Variants in SRFBP1 observed in about 807,000 individuals in gnomAD.
SRFBP1 encodes serum response factor-binding protein 1.
SRFBP1 carries 47 observed loss-of-function variants against 45.5 expected under a neutral mutation model. That is an observed-to-expected ratio of 1.03 (90% CI 0.82 to 1.32). SRFBP1 has a LOEUF of 1.32. Among genes scored for constraint, SRFBP1 ranks in the 40% most tolerant of loss-of-function variants. SRFBP1 has a pLI of 0.00. For synonymous variants in SRFBP1, 203 were observed against 166.3 expected, an observed-to-expected ratio of 1.22 and a Z score of -1.70; for missense variants, 621 against 484.6, an observed-to-expected ratio of 1.28 and a Z score of -2.64.
intron 4 of SRFBP1, among the ~76,000 whole-genome samples, chr5:122,008,932 G>A (rs887029427): frequency 6.6e-6 from 1 of 152,028 alleles, no homozygotes. Context: ...TGGGAGCTCT[G>A]GCTAGGAACC....
chr5:122,035,609 T>A (rs551945907), intron 2 of SRFBP1, among the ~76,000 whole-genome samples: 1 of 152,358 alleles, frequency 6.6e-6, no homozygotes, highest in South Asian at 2.1e-4. Flanking sequence ...TAATTTTTTC[T>A]ATTAGAATTT....
chr5:121,987,199 C>T (rs544882329), intron 3 of SRFBP1, among the ~76,000 whole-genome samples: 214 of 151,946 alleles, frequency 1.4e-3, no homozygotes, highest in Non-Finnish European at 2.5e-3. Context: ...ACTGACAGTA[C>T]CAAAGAGAAA....
At chr5:121,962,168 G>A in intron 1 of SRFBP1, 100 bp downstream of exon 1, 2 of 1,473,056 alleles carry the variant, frequency 1.4e-6, no homozygotes, top group African/African-American at 2.8e-5. Context: ...GCGGTTGGAG[G>A]AACTTTCGTG....
chr5:122,075,934 G>A (rs1198782658), downstream of SRFBP1: 1 of 152,942 alleles, frequency 6.5e-6, no homozygotes, highest in African/African-American at 2.4e-5. Flanking sequence ...ATTCATAGAT[G>A]TTTATTACAA....
intron 2 of SRFBP1, among the ~76,000 whole-genome samples, chr5:122,069,648 C>T (rs1028518162): frequency 1.3e-5 from 2 of 152,166 alleles, no homozygotes; most frequent in African/African-American, 4.8e-5. Flanking sequence ...TACTTTATGG[C>T]AGTGGTTTTC....
intron 2 of SRFBP1, among the ~76,000 whole-genome samples, chr5:122,060,887 A>G (rs1754158914): frequency 6.6e-6 from 1 of 152,154 alleles, no homozygotes; most frequent in Non-Finnish European, 1.5e-5. Flanking sequence ...AGCTTAAGAT[A>G]TATGCCTGTC....
intron 3 of SRFBP1, among the ~76,000 whole-genome samples, chr5:121,979,590 T>C (rs1232924708): frequency 6.6e-6 from 1 of 152,216 alleles, no homozygotes; most frequent in African/African-American, 2.4e-5. Flanking sequence ...CCAATACAAA[T>C]AATCGTGTTA....
chr5:122,009,282 A>G (rs899727157), intron 4 of SRFBP1, among the ~76,000 whole-genome samples: 2 of 151,990 alleles, frequency 1.3e-5, no homozygotes, highest in South Asian at 4.1e-4. Flanking sequence ...GATATTTTGG[A>G]GTGAGCTCTT....
intron 2 of SRFBP1, among the ~76,000 whole-genome samples, chr5:122,038,313 G>A (rs778672932): frequency 3.9e-5 from 6 of 152,122 alleles, no homozygotes; most frequent in Non-Finnish European, 7.4e-5. Flanking sequence ...GCACAGAGTC[G>A]GGAGGAAAAT....
intron 3 of SRFBP1, 122 bp from the exon 4 acceptor site, chr5:121,994,477 A>C (rs367857041): frequency 1.5e-5 from 10 of 665,232 alleles, no homozygotes; most frequent in African/African-American, 5.6e-5. Flanking sequence ...TATGGGAGTT[A>C]ATTCTTTTCT....
chr5:121,980,567 C>T (rs1752388302), intron 3 of SRFBP1, among the ~76,000 whole-genome samples: 1 of 152,050 alleles, frequency 6.6e-6, no homozygotes, highest in African/African-American at 2.4e-5. Flanking sequence ...TTTTTGAACA[C>T]CATCAAGGAT....
chr5:121,996,756 T>A (rs1239500992), intron 4 of SRFBP1, among the ~76,000 whole-genome samples: 1 of 92,080 alleles, frequency 1.1e-5, no homozygotes, highest in Non-Finnish European at 2.0e-5. Flanking sequence ...ATTGTATATC[T>A]AGAAAACCCC....
At chr5:122,066,738 G>C in intron 2 of SRFBP1, 4 of 1,599,672 alleles carry the variant, frequency 2.5e-6, no homozygotes, top group Non-Finnish European at 3.4e-6. Context: ...GTTTTGCTTT[G>C]CCTTCTAATA....
chr5:122,025,326 G>T (rs1233559495), intron 7 of SRFBP1, among the ~76,000 whole-genome samples: 4 of 152,176 alleles, frequency 2.6e-5, no homozygotes, highest in African/African-American at 4.8e-5. Flanking sequence ...ATTCCATGGT[G>T]TATATGTGCC....
chr5:121,971,107 G>T (rs929965392), intron 1 of SRFBP1, among the ~76,000 whole-genome samples: 1 of 152,000 alleles, frequency 6.6e-6, no homozygotes, highest in Non-Finnish European at 1.5e-5. Flanking sequence ...AAAGGCCAAT[G>T]TGATTCTTCT....
intron 4 of SRFBP1, among the ~76,000 whole-genome samples, chr5:122,015,197 C>T (rs945573861): frequency 2.0e-5 from 3 of 152,014 alleles, no homozygotes; most frequent in Non-Finnish European, 4.4e-5. Flanking sequence ...TTTTACATAC[C>T]AACCTTCTGT....
chr5:121,983,143 T>G (rs1387461991), intron 3 of SRFBP1, among the ~76,000 whole-genome samples: 1 of 150,904 alleles, frequency 6.6e-6, no homozygotes, highest in Non-Finnish European at 1.5e-5. Flanking sequence ...AATGTGATGT[T>G]CTTTTTGTTT....
intron 7 of SRFBP1, 79 bp downstream of exon 7, chr5:122,022,486 TGCTTAATATA>T: frequency 8.1e-7 from 1 of 1,239,164 alleles, no homozygotes; most frequent in Non-Finnish European, 1.1e-6. Context: ...AAATTGTTGT[TGCTTAATATA>T]GCCTGAATGA....
rs139447989 is a variant in SRFBP1, at chr5:121,984,488, T to C, written c.198+9101T>C. ...GCCTTTTTACGCAGTGTTCAGCACA[T>C]AGAAGGCTTTCTGTGAAATTTCTGT... On this transcript the variant is annotated intron_variant, in intron 3 of 7. Transcript: ENST00000339397. 2.1e-3 allele frequency among the ~76,000 whole-genome samples: 314 copies of C among 151,934 alleles called. 2 individuals carry two copies. The highest frequency in any genetic ancestry group is 7.1e-3 in the African/African-American group (294 of 41,532).
Sources: gnomAD v4.1 joint callset for allele counts (sites outside exome capture counted in the v4.1 genomes callset) on GRCh38, gnomAD v4.1.1 for gene constraint, MANE v1.5 for transcripts, NCBI Gene and HGNC (gene_info 2026-07-23, HGNC 2026-07-21) for gene names.